Variants in PCDHA7 observed in about 807,000 individuals in gnomAD.
PCDHA7 encodes protocadherin alpha 7.
PCDHA7 carries 37 observed loss-of-function variants against 57.2 expected under a neutral mutation model. That is an observed-to-expected ratio of 0.65 (90% confidence interval 0.50 to 0.85). PCDHA7 has a LOEUF of 0.85. Ranked by LOEUF, PCDHA7 falls within the 40% of genes least tolerant of loss-of-function variation. The pLI is 0.00. For synonymous variants in PCDHA7, 553 were observed against 558.8 expected, an observed-to-expected ratio of 0.99 and a Z score of 0.15; for missense variants, 1,188 against 1,241.8, an observed-to-expected ratio of 0.96 and a Z score of 0.65.
intron 1 of PCDHA7, chr5:140,857,340 C>A (rs782392001): frequency 9.4e-6 from 15 of 1,598,236 alleles, no homozygotes; most frequent in Non-Finnish European, 1.2e-5. Context: ...GACGGGGGCT[C>A]GCCTCCGCTG....
intron 1 of PCDHA7, among the ~76,000 whole-genome samples, chr5:140,959,868 C>A (rs532801353): frequency 8.5e-5 from 13 of 152,248 alleles, no homozygotes; most frequent in African/African-American, 2.9e-4. Flanking sequence ...GTAGCAAAAT[C>A]TGTCAAGGAA....
chr5:140,902,615 G>C (rs2153477614), intron 1 of PCDHA7, among the ~76,000 whole-genome samples: 1 of 152,128 alleles, frequency 6.6e-6, no homozygotes, highest in Admixed American at 6.6e-5. Context: ...AGTTACATGG[G>C]TAAGTTATTT....
chr5:140,851,954 GGT>G, intron 1 of PCDHA7: 1 of 974,722 alleles, frequency 1.0e-6, no homozygotes, highest in Non-Finnish European at 1.2e-6. Flanking sequence ...CTTTCAAAAT[GGT>G]GGTTTTCCAC....
chr5:140,958,089 C>A (rs2095409002), intron 1 of PCDHA7, among the ~76,000 whole-genome samples: 1 of 151,872 alleles, frequency 6.6e-6, no homozygotes, highest in African/African-American at 2.4e-5. Context: ...TAAAGTTGTA[C>A]AATAGTGTGT....
rs2150248144 is a variant in PCDHA7 at position 140,835,910 on chromosome 5, A to T, written c.1527A>T (p.Ser509=). Residue 509 remains serine, a synonymous_variant, in exon 1 of 4, where the codon TCA becomes TCT. Transcript: ENST00000525929. ...AGCGCGCGCTGTCGAGCTACGTGTC[A>T]GTGCACGCGGAGAGCGGCAAGGTGT... The part of the protein sequence containing the change: ...VGERALSSYV[S]VHAESGKVYA... 1 of 1,612,256 alleles carries T rather than the reference A, an allele frequency of 6.2e-7. No individual in the cohort carries two copies. The highest frequency in any genetic ancestry group is 8.5e-7 in the Non-Finnish European group (1 of 1,179,666).
At chr5:141,002,097 G>A (rs782083569) in intron 3 of PCDHA7, among the ~76,000 whole-genome samples, 3 of 152,230 alleles carry the variant, frequency 2.0e-5, no homozygotes, top group Non-Finnish European at 4.4e-5. Flanking sequence ...TCCAGGGGCT[G>A]GGCCGGAAAC....
intron 1 of PCDHA7, among the ~76,000 whole-genome samples, chr5:140,965,377 A>T (rs1479954226): frequency 6.6e-6 from 1 of 152,190 alleles, no homozygotes; most frequent in African/African-American, 2.4e-5. Context: ...AAACTTGGGG[A>T]CACAGAAGAA....
intron 1 of PCDHA7, among the ~76,000 whole-genome samples, chr5:140,840,756 A>T (rs1776857330): frequency 2.6e-5 from 4 of 152,114 alleles, no homozygotes; most frequent in Non-Finnish European, 5.9e-5. Context: ...GAACACAAGA[A>T]GATAAAATGT....
intron 1 of PCDHA7, among the ~76,000 whole-genome samples, chr5:140,903,637 A>G (rs1290449623): frequency 1.3e-5 from 2 of 152,240 alleles, no homozygotes; most frequent in Non-Finnish European, 1.5e-5. Flanking sequence ...GTATGCATAT[A>G]CCATATACAT....
chr5:140,996,478 A>C (rs1241472780), intron 3 of PCDHA7, among the ~76,000 whole-genome samples: 1 of 152,214 alleles, frequency 6.6e-6, no homozygotes, highest in East Asian at 1.9e-4. Flanking sequence ...AGTAGTGCTC[A>C]GGCCTGGGCA....
chr5:140,923,055 A>G (rs1233279179), intron 1 of PCDHA7, among the ~76,000 whole-genome samples: 1 of 152,236 alleles, frequency 6.6e-6, no homozygotes, highest in African/African-American at 2.4e-5. Flanking sequence ...TTTAGAATAA[A>G]AGAGCTAGGT....
At chr5:140,970,247 C>T (rs551216649) in intron 1 of PCDHA7, among the ~76,000 whole-genome samples, 1 of 152,290 alleles carries the variant, frequency 6.6e-6, no homozygotes, top group East Asian at 1.9e-4. Context: ...TTTCTGTTGA[C>T]AGTTTCTATG....
intron 1 of PCDHA7, chr5:140,856,935 A>C: frequency 6.3e-7 from 1 of 1,594,236 alleles, no homozygotes; most frequent in South Asian, 1.1e-5. Flanking sequence ...TGGATAAACG[A>C]AAGGACGGGA....
In PCDHA7 at chr5:140,835,705, T is replaced by A. The variant is rs1773862333; in HGVS notation, c.1322T>A (p.Val441Glu). Residue 441 changes from valine to glutamate, a missense_variant, in exon 1 of 4, where the codon GTG becomes GAG. By Grantham distance (121) the Val-to-Glu change is moderately radical. This residue lies in a region of PCDHA7 where 892 missense variants were observed against 788.5 expected (regional missense o/e 1.13). Coordinates refer to ENST00000525929, the MANE Select transcript of PCDHA7 (RefSeq NM_018910.3). ...CCTTCTCTGTGGGCCACTGCTAGCGTGTCCGTGGAGGTGGCCGACGTGAAC... is the reference window on the plus strand; with the variant it reads ...CCTTCTCTGTGGGCCACTGCTAGCGAGTCCGTGGAGGTGGCCGACGTGAAC... ...GSPSLWATAS[V>E]SVEVADVNDN... 1.2e-6 allele frequency: 2 copies of A among 1,613,894 alleles called. No individual in the cohort carries two copies. The highest frequency in any genetic ancestry group is 4.5e-5 in the East Asian group (2 of 44,838).
intron 1 of PCDHA7, chr5:140,858,194 T>C: frequency 1.9e-6 from 3 of 1,596,986 alleles, no homozygotes; most frequent in Non-Finnish European, 1.7e-6. Context: ...GCTGCTGCTG[T>C]ACACTGCACT....
intron 2 of PCDHA7, 130 bp from the exon 3 acceptor site, chr5:140,982,345 A>G: frequency 6.8e-7 from 1 of 1,471,098 alleles, no homozygotes; most frequent in Non-Finnish European, 9.1e-7. Context: ...TAATTGCTTC[A>G]GTTCAAGCAT....
intron 1 of PCDHA7, among the ~76,000 whole-genome samples, chr5:140,902,203 C>CTTTTTTT (rs148688132): frequency 6.4e-5 from 8 of 124,436 alleles, no homozygotes; most frequent in African/African-American, 9.3e-5. Flanking sequence ...CTCTCTCTTT[C>CTTTTTTT]TTTTTTTTTT....
At chr5:140,962,625 A>C (rs2095697493) in intron 1 of PCDHA7, among the ~76,000 whole-genome samples, 1 of 152,228 alleles carries the variant, frequency 6.6e-6, no homozygotes, top group Non-Finnish European at 1.5e-5. Context: ...GAGATGTGAA[A>C]AAATTTAGCC....
intron 1 of PCDHA7, chr5:140,862,531 C>T (rs782753899): frequency 4.6e-6 from 2 of 431,454 alleles, no homozygotes; most frequent in Non-Finnish European, 9.4e-6. Flanking sequence ...CCACAGCCAT[C>T]GGGTCCGTGG....
Sources: gnomAD v4.1 joint callset for allele counts (sites outside exome capture counted in the v4.1 genomes callset) on GRCh38, gnomAD v4.1.1 for gene constraint, gnomAD v4.1.1 regional missense constraint, MANE v1.5 for transcripts, NCBI Gene and HGNC (gene_info 2026-07-23, HGNC 2026-07-21) for gene names.